The following JPH1 variants were observed in gnomAD, a reference collection of about 807,000 sequenced individuals.
JPH1 encodes junctophilin 1.
Under a neutral mutation model 53.6 loss-of-function variants are expected in JPH1, and 12 were observed. The ratio of observed to expected loss-of-function variants is 0.22; its 90% CI spans 0.14 to 0.36. JPH1 has a LOEUF of 0.36. JPH1 is among the 10% of genes least tolerant of loss of function. The pLI is 1.00. For missense variants in JPH1, 808 were observed against 905.5 expected (o/e 0.89, Z 1.38); for synonymous variants, 375 against 363.8 (o/e 1.03, Z -0.35).
In JPH1 at chr8:74,296,110, T is replaced by A. The variant is rs192225648; in HGVS notation, c.1139+18751A>T. On this transcript the variant is annotated intron_variant, in intron 2 of 5. Transcript: ENST00000342232. ...TAAATCTTAGCCTAATACTGCCTAT[T>A]CTAAATCTCCAAGGAAGAATATTAA... is the stretch of plus-strand genomic sequence containing the variant. Among the ~76,000 whole-genome samples, 4 of 151,346 alleles carry A rather than the reference T, an allele frequency of 2.6e-5. No individual in the cohort carries two copies. The East Asian group carries it at 7.8e-4, about 29-fold the overall frequency.
intron 2 of JPH1, among the ~76,000 whole-genome samples, chr8:74,298,988 T>C (rs1257603770): frequency 6.6e-6 from 1 of 152,164 alleles, no homozygotes; most frequent in East Asian, 1.9e-4. Context: ...AATTAAGACC[T>C]ATTACAAAAA....
chr8:74,236,574 C>A lies in JPH1; in HGVS notation c.*477G>T, dbSNP rs994357557. ...CGTCCACAGCAACACAATCCTCCGA[C>A]CGCATTCCTCGGGCAGTCGTTTCCC... On this transcript the variant is annotated 3_prime_UTR_variant, in exon 6 of 6. Transcript: ENST00000342232. 2.6e-5 allele frequency: 4 copies of A among 152,348 alleles called. No individual in the cohort carries two copies. Among genetic ancestry groups the A allele is most frequent in the African/African-American group, 4.8e-5 (2 of 41,318 alleles). The allele number at this position is 152,348 out of a possible 1,614,324, so 9.4% of individuals were successfully genotyped here.
intron 2 of JPH1, among the ~76,000 whole-genome samples, chr8:74,267,002 G>A (rs979984022): frequency 3.9e-5 from 6 of 152,108 alleles, no homozygotes; most frequent in African/African-American, 1.2e-4. Context: ...AAATATTAGC[G>A]GATGAATAAA....
At chr8:74,244,397 T>C (rs529666638) in intron 4 of JPH1, 132 bp downstream of exon 4, 43 of 932,326 alleles carry the variant, frequency 4.6e-5, no homozygotes, top group Middle Eastern at 3.4e-4. Context: ...TGTTATGTGC[T>C]GCTCTAAACA....
intron 2 of JPH1, among the ~76,000 whole-genome samples, chr8:74,264,192 A>C (rs1806471101): frequency 6.6e-6 from 1 of 152,252 alleles, no homozygotes; most frequent in Admixed American, 6.5e-5. Context: ...ACTTTGGTCT[A>C]GAATAGACAA....
intron 2 of JPH1, among the ~76,000 whole-genome samples, chr8:74,314,177 A>C (rs1043962439): frequency 6.6e-6 from 1 of 152,070 alleles, no homozygotes; most frequent in Non-Finnish European, 1.5e-5. Flanking sequence ...CTTTCCTTTT[A>C]ATACACCAGT....
chr8:74,295,697 C>T (rs1390901806), intron 2 of JPH1, among the ~76,000 whole-genome samples: 1 of 152,070 alleles, frequency 6.6e-6, no homozygotes, highest in Non-Finnish European at 1.5e-5. Context: ...GCATTCTTGG[C>T]CCTAAACAGA....
chr8:74,242,251 T>A (rs80051933), intron 4 of JPH1, among the ~76,000 whole-genome samples: 2,299 of 152,316 alleles, frequency 0.015, 66 homozygotes, highest in African/African-American at 0.053. Context: ...TGCTTATGCT[T>A]CAGTTAGCAT....
chr8:74,287,223 G>T (rs1302920250), intron 2 of JPH1, among the ~76,000 whole-genome samples: 1 of 152,166 alleles, frequency 6.6e-6, no homozygotes, highest in African/African-American at 2.4e-5. Context: ...CCTGAGGTCA[G>T]TAGTTTGAGA....
intron 2 of JPH1, among the ~76,000 whole-genome samples, chr8:74,290,442 CAAG>C (rs1295831328): frequency 3.3e-5 from 5 of 152,266 alleles, no homozygotes; most frequent in East Asian, 3.9e-4. Flanking sequence ...AGGACCTCTT[CAAG>C]AAGAACTACA....
chr8:74,283,069 T>G (rs972463587), intron 2 of JPH1, among the ~76,000 whole-genome samples: 3 of 152,108 alleles, frequency 2.0e-5, no homozygotes, highest in Non-Finnish European at 4.4e-5. Flanking sequence ...CTTGTGACAG[T>G]AGGGTGTTAG....
rs774468191 is a variant in JPH1 at position 74,314,963 on chromosome 8, G to A, written c.1037C>T (p.Pro346Leu). Residue 346 changes from proline (P) to leucine (L), a missense_variant, in exon 2 of 6, where the codon CCA becomes CTA. This residue lies in a region of JPH1 where 756 missense variants were observed against 811.9 expected (regional missense o/e 0.93). Transcript: ENST00000342232. ...LVRGIRKQLI[P>L]IRHTKTREKV... Reference sequence around the variant, plus strand: ...CTCCCTAGTTTTTGTATGTCTTATTGGTATAAGCTGCTTCCTTATCCCACG... The same window carrying A: ...CTCCCTAGTTTTTGTATGTCTTATTAGTATAAGCTGCTTCCTTATCCCACG... 3.1e-6 allele frequency: 5 copies of A among 1,614,070 alleles called. No homozygotes were observed. In the South Asian group the frequency reaches 5.5e-5, roughly 18 times the overall value.
At chr8:74,290,237 C>T (rs1227037264) in intron 2 of JPH1, among the ~76,000 whole-genome samples, 1 of 152,116 alleles carries the variant, frequency 6.6e-6, no homozygotes, top group African/African-American at 2.4e-5. Context: ...TTAGAAAACC[C>T]CATCATCTCA....
Position 74,315,561 on chromosome 8 carries a change from C to T in JPH1, c.439G>A (p.Val147Met), listed in dbSNP as rs769389782. 1.2e-6 allele frequency: 2 copies of T among 1,605,700 alleles called. No homozygotes were observed. The highest frequency in any genetic ancestry group is 1.7e-5 in the Admixed American group (1 of 59,712). ...ATCACCGTGGCCATGCCGTAGGGCACGCTCTGGCGCACGCCGTAGCCATGC... is the reference window on the plus strand; with the variant it reads ...ATCACCGTGGCCATGCCGTAGGGCATGCTCTGGCGCACGCCGTAGCCATGC... Reference protein sequence around the residue: ...MRHGYGVRQSVPYGMATVIRS... With the variant: ...MRHGYGVRQSMPYGMATVIRS... The change falls in exon 2 of 6, where the codon GTG (valine) becomes ATG (methionine). Residue 147 changes from valine to methionine, a missense_variant. Val to Met is a conservative substitution (Grantham distance 21). Coordinates refer to ENST00000342232, the MANE Select transcript of JPH1 (RefSeq NM_020647.4). The surrounding 1 kb of genome is among the most constrained non-coding windows in gnomAD (Gnocchi z 6.3).
intron 4 of JPH1, 147 bp from the exon 5 acceptor site, chr8:74,237,450 C>T (rs1039435698): frequency 4.5e-5 from 28 of 627,086 alleles, no homozygotes; most frequent in Non-Finnish European, 6.0e-5. Flanking sequence ...AAGGTGTAGA[C>T]TAAAAACGGC....
chr8:74,254,743 A>G (rs1806167481), intron 3 of JPH1, among the ~76,000 whole-genome samples: 1 of 152,096 alleles, frequency 6.6e-6, no homozygotes, highest in African/African-American at 2.4e-5. Flanking sequence ...ATTCTTATAC[A>G]CCAATAACAG....
intron 2 of JPH1, among the ~76,000 whole-genome samples, chr8:74,268,749 A>G (rs536211001): frequency 1.8e-4 from 27 of 152,252 alleles, no homozygotes; most frequent in African/African-American, 6.3e-4. Context: ...TCCTTTACCA[A>G]TGGTCCACTA....
chr8:74,257,383 T>A (rs977566629), intron 3 of JPH1, among the ~76,000 whole-genome samples: 4 of 152,224 alleles, frequency 2.6e-5, no homozygotes, highest in African/African-American at 7.2e-5. Context: ...ATCTTTCGTA[T>A]CATTTACCTC....
chr8:74,264,434 TCTTC>T (rs1787233691), intron 2 of JPH1, among the ~76,000 whole-genome samples: 1 of 152,224 alleles, frequency 6.6e-6, no homozygotes, highest in Non-Finnish European at 1.5e-5. Context: ...GGAGTTCCTG[TCTTC>T]CTTTTCTCTA....
Sources: gnomAD v4.1 joint callset for allele counts (sites outside exome capture counted in the v4.1 genomes callset) on GRCh38, gnomAD v4.1.1 for gene constraint, gnomAD v4.1.1 regional missense constraint, Gnocchi (gnomAD v3.1) non-coding constraint, MANE v1.5 for transcripts, NCBI Gene and HGNC (gene_info 2026-07-23, HGNC 2026-07-21) for gene names.